The following ADIPOR2 variants were observed in gnomAD, a reference collection of about 807,000 sequenced individuals.
ADIPOR2 encodes the protein adiponectin receptor 2.
Under a neutral mutation model 40.9 loss-of-function variants are expected in ADIPOR2, and 18 were observed. The observed-to-expected ratio is 0.44, with a 90% CI of 0.30 to 0.65. The LOEUF is 0.65. Ranked by LOEUF, ADIPOR2 falls within the 30% of genes least tolerant of loss-of-function variation. ADIPOR2 has a pLI of 0.09. For missense variants in ADIPOR2, 283 were observed against 479.2 expected (o/e 0.59, Z 3.82); for synonymous variants, 165 against 166.4 (o/e 0.99, Z 0.06).
At chr12:1,748,289 C>G (rs1274059364) in intron 1 of ADIPOR2, among the ~76,000 whole-genome samples, 1 of 152,100 alleles carries the variant, frequency 6.6e-6, no homozygotes, top group Non-Finnish European at 1.5e-5. Flanking sequence ...CTCTCTGTCG[C>G]CCAGGCTGGA....
At chr12:1,773,885 A>C (rs1321905897) in intron 3 of ADIPOR2, among the ~76,000 whole-genome samples, 2 of 152,186 alleles carry the variant, frequency 1.3e-5, no homozygotes, top group Non-Finnish European at 2.9e-5. Flanking sequence ...TTAGAATGCT[A>C]TTACTTTGGA....
intron 1 of ADIPOR2, among the ~76,000 whole-genome samples, chr12:1,736,726 T>C (rs1199783581): frequency 6.6e-6 from 1 of 152,262 alleles, no homozygotes; most frequent in African/African-American, 2.4e-5. Flanking sequence ...TTTAGATCTT[T>C]CCTGCTTTCT....
intron 1 of ADIPOR2, among the ~76,000 whole-genome samples, chr12:1,723,311 C>A (rs878857102): frequency 6.6e-6 from 1 of 152,026 alleles, no homozygotes; most frequent in Non-Finnish European, 1.5e-5. Context: ...CCCAAAGGAG[C>A]TCTTCCCAAA....
intron 1 of ADIPOR2, among the ~76,000 whole-genome samples, chr12:1,749,988 C>T (rs1371834185): frequency 6.6e-6 from 1 of 151,784 alleles, no homozygotes; most frequent in Non-Finnish European, 1.5e-5. Flanking sequence ...CAGGTGCATG[C>T]CACTAAACTC....
intron 1 of ADIPOR2, among the ~76,000 whole-genome samples, chr12:1,750,377 A>C (rs1397732479): frequency 6.7e-6 from 1 of 149,480 alleles, no homozygotes; most frequent in Non-Finnish European, 1.5e-5. Flanking sequence ...TGGGCAACAT[A>C]GCGAGACTCC....
rs1416836533 is a variant in ADIPOR2, at chr12:1,786,744, A to G, written c.*672A>G. ...GTCTTGGTGCACCAAGATGCCTTCT[A>G]AAGGCTGACATACCTTGGACCCTAA... On this transcript the variant is annotated 3_prime_UTR_variant, in exon 8 of 8. Coordinates refer to ENST00000357103, the MANE Select transcript of ADIPOR2 (RefSeq NM_024551.3). 1 of 152,658 alleles carries G rather than the reference A, an allele frequency of 6.6e-6. No homozygotes were observed. Among genetic ancestry groups the G allele is most frequent in the Non-Finnish European group, 1.5e-5 (1 of 68,068 alleles). The allele number at this position is 152,658 out of a possible 1,614,324, so 9.5% of individuals were successfully genotyped here. A position where few individuals can be genotyped will look rare whatever the true frequency, so the allele number is the denominator to read the frequency against.
intron 1 of ADIPOR2, among the ~76,000 whole-genome samples, chr12:1,744,350 C>T (rs1343638312): frequency 2.0e-5 from 3 of 152,114 alleles, no homozygotes; most frequent in Admixed American, 6.5e-5. Flanking sequence ...GTGATCTGCC[C>T]GTCTCGGCCT....
rs1400236398 is a variant in ADIPOR2, at chr12:1,788,528, T to A, written c.*2456T>A. 1.3e-5 allele frequency: 2 copies of A among 152,646 alleles called. No individual in the cohort carries two copies. Among genetic ancestry groups the A allele is most frequent in the African/African-American group, 2.4e-5 (1 of 41,458 alleles). The allele number at this position is 152,646 out of a possible 1,614,324, so 9.5% of individuals were successfully genotyped here. On this transcript the variant is annotated 3_prime_UTR_variant, in exon 8 of 8. Transcript: ENST00000357103. ...TTTTCAGTATTTTCCCTCTTCCCCT[T>A]TATAAATTATGCTAAAGCCACAAAG...
chr12:1,717,169 C>T (rs2154441968), intron 1 of ADIPOR2, among the ~76,000 whole-genome samples: 1 of 152,262 alleles, frequency 6.6e-6, no homozygotes, highest in South Asian at 2.1e-4. Flanking sequence ...GAAGTTTTTC[C>T]TTCCTAAGTT....
At chr12:1,699,137 AG>A (rs1304915525) in intron 1 of ADIPOR2, among the ~76,000 whole-genome samples, 1 of 152,138 alleles carries the variant, frequency 6.6e-6, no homozygotes, top group Non-Finnish European at 1.5e-5. Context: ...ATATTTCTTG[AG>A]GGTAAGGAAC....
At chr12:1,771,196 T>A (rs979110212) in intron 2 of ADIPOR2, among the ~76,000 whole-genome samples, 2 of 152,054 alleles carry the variant, frequency 1.3e-5, no homozygotes. Flanking sequence ...GGTGCATACC[T>A]GTAGTGCACG....
At position 1,715,499 on chromosome 12, in the gene ADIPOR2, C is replaced by T. The variant is rs151179058; in HGVS notation, c.-87+24308C>T. ...AAACCTCCTGTGGTTTTGGTTTGTT[C>T]CCCGCTACCCTCTCAACCCCGAGTT... On this transcript the variant is annotated intron_variant, in intron 1 of 7. Transcript: ENST00000357103. Among the ~76,000 whole-genome samples the T allele has an allele frequency of 2.0e-3, 310 of 152,230 alleles. 2 individuals are homozygous for T. Among genetic ancestry groups the T allele is most frequent in the African/African-American group, 7.0e-3 (292 of 41,482 alleles).
At chr12:1,773,136 G>T (rs552460718) in intron 3 of ADIPOR2, among the ~76,000 whole-genome samples, 175 bp downstream of exon 3, 47 of 152,322 alleles carry the variant, frequency 3.1e-4, no homozygotes, top group African/African-American at 1.0e-3. Flanking sequence ...GAATACATTT[G>T]TTGGCTTGTA....
chr12:1,706,857 G>A (rs2094664247), intron 1 of ADIPOR2, among the ~76,000 whole-genome samples: 1 of 152,136 alleles, frequency 6.6e-6, no homozygotes. Flanking sequence ...TGGGCAAGGT[G>A]GCTCATGCCC....
At chr12:1,782,082 C>A (rs1862730289) in intron 6 of ADIPOR2, among the ~76,000 whole-genome samples, 1 of 152,182 alleles carries the variant, frequency 6.6e-6, no homozygotes, top group African/African-American at 2.4e-5. Context: ...AGGCAGAAAC[C>A]ATTAGCAGCC....
intron 1 of ADIPOR2, among the ~76,000 whole-genome samples, chr12:1,740,524 T>G (rs1204703430): frequency 6.6e-6 from 1 of 152,220 alleles, no homozygotes; most frequent in African/African-American, 2.4e-5. Context: ...TCATTTAACC[T>G]TGATTACCTC....
chr12:1,764,492 A>G (rs1279008119), intron 2 of ADIPOR2, among the ~76,000 whole-genome samples: 1 of 151,758 alleles, frequency 6.6e-6, no homozygotes, highest in African/African-American at 2.4e-5. Context: ...CTGTATCATT[A>G]TTTTTCAAAC....
chr12:1,783,843 C>T lies in ADIPOR2; in HGVS notation c.839-37C>T, dbSNP rs201941483. On this transcript the variant is annotated intron_variant, in intron 6 of 7. Coordinates refer to ENST00000357103, the MANE Select transcript of ADIPOR2 (RefSeq NM_024551.3). ...TACTGACTTCTGGCTCTTTGTTTCT[C>T]TTCTGCATTACTTTACTCTCTTCTT... is the stretch of plus-strand genomic sequence containing the variant. The T allele has an allele frequency of 1.7e-3, 2,520 of 1,495,210 alleles. 7 individuals are homozygous for T. The highest frequency in any genetic ancestry group is 2.0e-3 in the Non-Finnish European group (2,257 of 1,107,854). 92.6% of individuals were successfully genotyped at this position (1,495,210 alleles called of 1,614,324 possible). A position where few individuals can be genotyped will look rare whatever the true frequency, so the allele number is the denominator to read the frequency against.
chr12:1,780,703 C>T (rs972270406), intron 5 of ADIPOR2, 66 bp downstream of exon 5: 1 of 1,441,042 alleles, frequency 6.9e-7, no homozygotes. Context: ...GAAAAACATT[C>T]AGCAGAGTTG....
Sources: allele counts gnomAD v4.1 joint callset (sites outside exome capture counted in the v4.1 genomes callset), GRCh38; gene constraint gnomAD v4.1.1; transcripts MANE v1.5; gene names NCBI Gene and HGNC (gene_info 2026-07-23, HGNC 2026-07-21).